Variants in COL26A1 observed in about 807,000 individuals in gnomAD.
COL26A1 encodes collagen type XXVI alpha 1 chain.
COL26A1 carries 41 observed loss-of-function variants against 59.3 expected under a neutral mutation model. The ratio of observed to expected loss-of-function variants is 0.69; its 90% confidence interval spans 0.54 to 0.90. The LOEUF (loss-of-function observed/expected upper bound fraction) is 0.90. COL26A1 is among the 40% of genes least tolerant of loss of function. COL26A1 has a pLI of 0.00. For synonymous variants in COL26A1, 266 were observed against 256.0 expected (o/e 1.04, Z -0.37); for missense variants, 612 against 602.3 (o/e 1.02, Z -0.17).
intron 2 of COL26A1, among the ~76,000 whole-genome samples, chr7:101,440,205 A>C (rs1793018795): frequency 6.6e-6 from 1 of 151,958 alleles, no homozygotes; most frequent in African/African-American, 2.4e-5. Flanking sequence ...ATTTCTACTG[A>C]AAATACAAAA....
intron 3 of COL26A1, among the ~76,000 whole-genome samples, chr7:101,500,076 C>A (rs1285622598): frequency 6.6e-6 from 1 of 152,144 alleles, no homozygotes; most frequent in Non-Finnish European, 1.5e-5. Flanking sequence ...ATAAGCAAAA[C>A]TCCAAACTTG....
chr7:101,400,256 C>T (rs1010049335), intron 1 of COL26A1, among the ~76,000 whole-genome samples: 1 of 151,596 alleles, frequency 6.6e-6, no homozygotes, highest in African/African-American at 2.4e-5. Flanking sequence ...GGTTCAGGAG[C>T]GCAGGGAGAT....
intron 4 of COL26A1, among the ~76,000 whole-genome samples, chr7:101,537,460 T>C (rs149533694): frequency 0.027 from 4,134 of 152,336 alleles, 75 homozygotes; most frequent in Middle Eastern, 0.037. Context: ...CCTGGTTTTC[T>C]TGGCCCCACG....
chr7:101,431,110 T>C (rs1362458801), intron 2 of COL26A1, among the ~76,000 whole-genome samples: 1 of 152,170 alleles, frequency 6.6e-6, no homozygotes, highest in Non-Finnish European at 1.5e-5. Context: ...CCTGTATGCC[T>C]TTTATTTTAT....
chr7:101,496,436 G>A (rs1794586300), intron 3 of COL26A1, among the ~76,000 whole-genome samples: 2 of 152,206 alleles, frequency 1.3e-5, no homozygotes, highest in Admixed American at 1.3e-4. Context: ...TGGGGCTGGG[G>A]TTTGGGGGTT....
At chr7:101,532,559 T>A (rs1795391702) in intron 3 of COL26A1, among the ~76,000 whole-genome samples, 1 of 152,180 alleles carries the variant, frequency 6.6e-6, no homozygotes, top group African/African-American at 2.4e-5. Context: ...ATTGTGCATT[T>A]CTCAGGTCTC....
intron 1 of COL26A1, among the ~76,000 whole-genome samples, chr7:101,412,368 G>A (rs1268596318): frequency 2.0e-5 from 3 of 152,106 alleles, no homozygotes; most frequent in East Asian, 1.9e-4. Context: ...AAGTGGGGCC[G>A]GCACAGTGGC....
chr7:101,415,824 G>A (rs986522919), intron 1 of COL26A1, among the ~76,000 whole-genome samples: 1 of 151,778 alleles, frequency 6.6e-6, no homozygotes, highest in Non-Finnish European at 1.5e-5. Flanking sequence ...ATAGAGATGG[G>A]GTCTTGCCGT....
intron 1 of COL26A1, among the ~76,000 whole-genome samples, chr7:101,414,120 C>T (rs1348121166): frequency 6.6e-6 from 1 of 152,160 alleles, no homozygotes; most frequent in African/African-American, 2.4e-5. Flanking sequence ...AGGCCTGGAG[C>T]CCTTTCCTTG....
At chr7:101,387,013 G>T (rs964935220) in intron 1 of COL26A1, among the ~76,000 whole-genome samples, 1 of 152,158 alleles carries the variant, frequency 6.6e-6, no homozygotes, top group Non-Finnish European at 1.5e-5. Flanking sequence ...CCGGGGTAGG[G>T]TTACCGCACA....
chr7:101,512,329 C>A (rs745888854), intron 3 of COL26A1, among the ~76,000 whole-genome samples: 3 of 152,094 alleles, frequency 2.0e-5, no homozygotes, highest in Non-Finnish European at 4.4e-5. Context: ...TGGAAAAAAT[C>A]AAAACCTAGC....
intron 3 of COL26A1, among the ~76,000 whole-genome samples, chr7:101,475,762 CTTTCTCTTTCTT>C (rs145003656): frequency 0.094 from 13,237 of 141,414 alleles, 738 homozygotes; most frequent in African/African-American, 0.13. Flanking sequence ...CTTTTTCTTT[CTTTCTCTTTCTT>C]TCTTTCTTTC....
intron 1 of COL26A1, among the ~76,000 whole-genome samples, chr7:101,398,025 G>GA (rs534071498): frequency 7.0e-4 from 106 of 152,270 alleles, no homozygotes; most frequent in Non-Finnish European, 1.3e-3. Flanking sequence ...GCCTGTCCTT[G>GA]AATGTCATAT....
intron 3 of COL26A1, among the ~76,000 whole-genome samples, chr7:101,455,389 A>T (rs1419654062): frequency 6.6e-6 from 1 of 152,064 alleles, no homozygotes; most frequent in East Asian, 1.9e-4. Context: ...AGTGCAGAAA[A>T]CATAGAAACA....
intron 3 of COL26A1, among the ~76,000 whole-genome samples, chr7:101,457,849 A>G (rs142924950): frequency 5.4e-5 from 8 of 147,802 alleles, no homozygotes; most frequent in Non-Finnish European, 1.2e-4. Context: ...ATATTATTCC[A>G]TTGCATGAAT....
At chr7:101,554,983 A>G (rs1795936073) in intron 11 of COL26A1, among the ~76,000 whole-genome samples, 2 of 152,074 alleles carry the variant, frequency 1.3e-5, no homozygotes, top group African/African-American at 4.8e-5. Context: ...CTTTTGTTTC[A>G]TTTTAAGCTA....
chr7:101,495,217 T>G (rs1794555903), intron 3 of COL26A1, among the ~76,000 whole-genome samples: 1 of 152,170 alleles, frequency 6.6e-6, no homozygotes, highest in South Asian at 2.1e-4. Flanking sequence ...GAGCTTTATC[T>G]GCCTGAGGCA....
At chr7:101,475,894 TTCTC>T (rs534449165) in intron 3 of COL26A1, among the ~76,000 whole-genome samples, 3 of 134,784 alleles carry the variant, frequency 2.2e-5, no homozygotes, top group Admixed American at 1.5e-4. Flanking sequence ...CTCTCTTTCT[TTCTC>T]TCTCTTTCTC....
chr7:101,412,787 A>G (rs1792273622), intron 1 of COL26A1, among the ~76,000 whole-genome samples: 1 of 152,126 alleles, frequency 6.6e-6, no homozygotes, highest in Non-Finnish European at 1.5e-5. Context: ...TGCCACTTCA[A>G]TAAAAGTTGC....
Sources: allele counts gnomAD v4.1 joint callset (sites outside exome capture counted in the v4.1 genomes callset), GRCh38; gene constraint gnomAD v4.1.1; transcripts MANE v1.5; gene names NCBI Gene and HGNC (gene_info 2026-07-23, HGNC 2026-07-21).